SREK1: variants seen among roughly 807,000 people sequenced by gnomAD.
SREK1 encodes splicing regulatory glutamic acid and lysine rich protein 1.
Under a neutral mutation model 66.5 loss-of-function variants are expected in SREK1, and 13 were observed. The observed-to-expected ratio is 0.20, with a 90% CI of 0.13 to 0.31. The LOEUF (loss-of-function observed/expected upper bound fraction) is 0.31. Among genes scored for constraint, SREK1 ranks in the 10% least tolerant of loss-of-function variants. The pLI is 1.00. For missense variants in SREK1, 607 were observed against 769.6 expected (o/e 0.79, Z 2.50); for synonymous variants, 265 against 263.5 (o/e 1.01, Z -0.05).
chr5:66,157,220 TG>T, intron 2 of SREK1: 1 of 984,602 alleles, frequency 1.0e-6, no homozygotes, highest in South Asian at 4.7e-5. Flanking sequence ...TGAAAGGCAG[TG>T]GGAGAGTTTG....
intron 2 of SREK1, among the ~76,000 whole-genome samples, chr5:66,154,856 G>A (rs1744146784): frequency 6.6e-6 from 1 of 152,180 alleles, no homozygotes; most frequent in South Asian, 2.1e-4. Context: ...CCCCAAATTG[G>A]TGAGGTGGGA....
Position 66,183,058 on chromosome 5 carries a change from T to C in SREK1, c.*4190T>C, listed in dbSNP as rs1746624147. 1 of 152,212 alleles carries C rather than the reference T, an allele frequency of 6.6e-6. No homozygotes were observed. The highest frequency in any genetic ancestry group is 2.1e-4 in the South Asian group (1 of 4,836). The allele number at this position is 152,212 out of a possible 1,614,324, so 9.4% of individuals were successfully genotyped here. A position where few individuals can be genotyped will look rare whatever the true frequency, so the allele number is the denominator to read the frequency against. ...TATAATGTTTATAAAAGGTTTTAAG[T>C]CTGTTGCCTGATTTTTAAATTTATA... On this transcript the variant is annotated 3_prime_UTR_variant, in exon 12 of 12. Transcript: ENST00000334121.
chr5:66,172,817 T>C (rs1192323749), intron 9 of SREK1, among the ~76,000 whole-genome samples: 1 of 150,906 alleles, frequency 6.6e-6, no homozygotes, highest in African/African-American at 2.5e-5. Flanking sequence ...AGTTACAATT[T>C]CTTTGAATTT....
At chr5:66,151,674 G>C (rs1036739342) in intron 1 of SREK1, among the ~76,000 whole-genome samples, 1 of 152,082 alleles carries the variant, frequency 6.6e-6, no homozygotes, top group Non-Finnish European at 1.5e-5. Flanking sequence ...AAGGTGGTGA[G>C]TTAAGTCTGG....
intron 7 of SREK1, 128 bp from the exon 8 acceptor site, chr5:66,169,923 T>C (rs996203956): frequency 7.7e-6 from 5 of 651,016 alleles, no homozygotes; most frequent in Non-Finnish European, 1.2e-5. Flanking sequence ...TTTCAGATTA[T>C]GTAACTAAAG....
chr5:66,175,114 C>G, intron 10 of SREK1, 73 bp downstream of exon 10: 1 of 1,235,686 alleles, frequency 8.1e-7, no homozygotes, highest in African/African-American at 1.5e-5. Context: ...AAATTTCTCT[C>G]TTTATTTTTT....
chr5:66,170,694 C>A lies in SREK1; in HGVS notation c.1231C>A (p.Arg411=). The change falls in exon 9 of 12, where the codon CGG becomes AGG. Residue 411 remains arginine, a synonymous_variant. Coordinates refer to ENST00000334121, the MANE Select transcript of SREK1 (RefSeq NM_001077199.3). ...REKEREKEKE[R]GKNKDRDKER... The stretch of plus-strand genomic sequence containing the variant: ...AAAGGAACGTGAAAAAGAAAAGGAA[C>A]GGGGTAAAAACAAAGACCGGGACAA... 6.2e-7 allele frequency: 1 copy of A among 1,607,754 alleles called. No individual in the cohort carries two copies. Among genetic ancestry groups the A allele is most frequent in the Non-Finnish European group, 8.5e-7 (1 of 1,177,186 alleles).
chr5:66,147,755 C>G (rs1384105950), intron 1 of SREK1, among the ~76,000 whole-genome samples: 1 of 152,180 alleles, frequency 6.6e-6, no homozygotes, highest in Non-Finnish European at 1.5e-5. Flanking sequence ...TCTATCAAAG[C>G]TTCTCTCCAT....
chr5:66,166,755 T>C (rs1745211896), intron 7 of SREK1: 2 of 152,198 alleles, frequency 1.3e-5, no homozygotes, highest in South Asian at 4.1e-4. Context: ...AGGCATGGTA[T>C]ACATGTTCTT....
At chr5:66,177,116 T>TTTA (rs764923271) in intron 10 of SREK1, among the ~76,000 whole-genome samples, 5 of 152,160 alleles carry the variant, frequency 3.3e-5, no homozygotes, top group Admixed American at 6.6e-5. Flanking sequence ...ATTCACCCTG[T>TTTA]GTAATTGACC....
At chr5:66,178,460 T>C (rs1746247162) in intron 11 of SREK1, among the ~76,000 whole-genome samples, 1 of 152,086 alleles carries the variant, frequency 6.6e-6, no homozygotes, top group Admixed American at 6.6e-5. Flanking sequence ...TTTTCAAGTC[T>C]GTCAGCAACA....
chr5:66,157,042 A>C, intron 2 of SREK1: 1 of 984,642 alleles, frequency 1.0e-6, no homozygotes. Flanking sequence ...CTTGGAAATT[A>C]AGCAATGGAG....
Position 66,177,652 on chromosome 5 carries a change from A to G in SREK1, c.1719A>G (p.Ser573=), listed in dbSNP as rs567310031. 6.3e-7 allele frequency: 1 copy of G among 1,594,570 alleles called. No individual in the cohort carries two copies. Residue 573 remains serine (S), a synonymous_variant, in exon 11 of 12, where the codon TCA becomes TCG. Transcript: ENST00000334121. ...GKEKLEKNST[S]LKEKEHNKEP... ...AGAAGTTGGAGAAGAACAGTACTTC[A>G]CTTAAAGTAAGCAGCAGTCATTCGG...
intron 1 of SREK1, among the ~76,000 whole-genome samples, chr5:66,149,149 C>T (rs539149220): frequency 1.2e-4 from 18 of 152,210 alleles, no homozygotes; most frequent in Admixed American, 2.0e-4. Context: ...GTCAGGAGTT[C>T]GAGACCTGTC....
At chr5:66,157,062 A>G (rs1744348048) in intron 2 of SREK1, 6 of 981,426 alleles carry the variant, frequency 6.1e-6, no homozygotes, top group Non-Finnish European at 7.3e-6. Context: ...GCTTTTTCTT[A>G]AAGTACTTTT....
At chr5:66,165,341 A>T (rs193039248) in intron 7 of SREK1, 2 of 157,612 alleles carry the variant, frequency 1.3e-5, no homozygotes, top group African/African-American at 4.8e-5. Flanking sequence ...CTTTCACGCA[A>T]TTCCCTATTT....
At chr5:66,144,880 G>A (rs983207423) in intron 1 of SREK1, 1 of 1,021,264 alleles carries the variant, frequency 9.8e-7, no homozygotes, top group Non-Finnish European at 1.2e-6. Context: ...GCCCGGAACA[G>A]CCCTCATGGC....
intron 2 of SREK1, chr5:66,156,736 T>G: frequency 1.0e-6 from 1 of 985,270 alleles, no homozygotes; most frequent in Non-Finnish European, 1.2e-6. Context: ...GATGGTTATT[T>G]ATCATATAAC....
intron 1 of SREK1, among the ~76,000 whole-genome samples, chr5:66,151,876 C>T (rs1431047756): frequency 2.6e-5 from 3 of 117,372 alleles, no homozygotes; most frequent in South Asian, 3.0e-4. Context: ...GAAGGAGTCT[C>T]GCTCTGTTGC....
Sources: allele counts gnomAD v4.1 joint callset (sites outside exome capture counted in the v4.1 genomes callset), GRCh38; gene constraint gnomAD v4.1.1; transcripts MANE v1.5; gene names NCBI Gene and HGNC (gene_info 2026-07-23, HGNC 2026-07-21).